The following LPAR1 variants were observed in gnomAD, a reference collection of about 807,000 sequenced individuals.
LPAR1 encodes LPA receptor 1.
LPAR1 carries 5 observed loss-of-function variants against 23.8 expected under a neutral mutation model. That is an observed-to-expected ratio of 0.21 (90% CI 0.11 to 0.44). The LOEUF (loss-of-function observed/expected upper bound fraction) is 0.44. Among genes scored for constraint, LPAR1 ranks in the 20% least tolerant of loss-of-function variants. The probability of loss-of-function intolerance (pLI) is 0.99; values close to 1 mark genes in which losing one functional copy is unlikely to be tolerated. For synonymous variants in LPAR1, 160 were observed against 164.7 expected, an observed-to-expected ratio of 0.97 and a Z score of 0.22; for missense variants, 311 against 482.8, an observed-to-expected ratio of 0.64 and a Z score of 3.33.
chr9:110,987,357 CAT>C (rs1376140962), intron 2 of LPAR1, among the ~76,000 whole-genome samples: 3 of 150,016 alleles, frequency 2.0e-5, no homozygotes, highest in Non-Finnish European at 4.4e-5. Context: ...TTGTATAATA[CAT>C]ATGTTTATAT....
At chr9:110,884,184 T>C (rs1028217531) in intron 5 of LPAR1, among the ~76,000 whole-genome samples, 3 of 152,182 alleles carry the variant, frequency 2.0e-5, no homozygotes, top group Non-Finnish European at 4.4e-5. Flanking sequence ...CATATTAGTT[T>C]TTCCATTCCT....
Position 111,025,664 on chromosome 9 carries a change from GT to G in LPAR1, c.-182+10457del, listed in dbSNP as rs1220899265. On this transcript the variant is annotated intron_variant, in intron 2 of 5. Coordinates refer to ENST00000683809, the MANE Select transcript of LPAR1 (RefSeq NM_001351411.2). ...GGTATTGCTTGGGTTTTCTTTTAGG[GT>G]TTTTATGGTTTTAGTTCTTACATTT... Among the ~76,000 whole-genome samples the G allele has an allele frequency of 5.9e-5, 9 of 152,242 alleles. No homozygotes were observed. In the East Asian group the frequency reaches 1.7e-3, roughly 29 times the overall value.
intron 2 of LPAR1, among the ~76,000 whole-genome samples, chr9:110,990,483 T>C (rs1274618524): frequency 6.6e-6 from 1 of 152,134 alleles, no homozygotes; most frequent in Admixed American, 6.5e-5. Context: ...TATCTGTATA[T>C]ACCTTATAAA....
chr9:110,969,815 T>C (rs571872071), intron 4 of LPAR1, among the ~76,000 whole-genome samples: 1 of 152,320 alleles, frequency 6.6e-6, no homozygotes, highest in Admixed American at 6.5e-5. Context: ...TCACAAAATT[T>C]TGTACTTCTT....
intron 4 of LPAR1, among the ~76,000 whole-genome samples, chr9:110,964,365 T>C (rs904375109): frequency 2.0e-5 from 3 of 152,176 alleles, no homozygotes; most frequent in African/African-American, 4.8e-5. Flanking sequence ...TGAATGTGAA[T>C]TGAGTATCAA....
intron 2 of LPAR1, among the ~76,000 whole-genome samples, chr9:110,997,535 C>T (rs2097038391): frequency 6.6e-6 from 1 of 152,162 alleles, no homozygotes; most frequent in Non-Finnish European, 1.5e-5. Context: ...TCAATGAAAG[C>T]TGAAGATAAA....
At chr9:110,959,657 G>A (rs745362415) in intron 4 of LPAR1, among the ~76,000 whole-genome samples, 1 of 151,706 alleles carries the variant, frequency 6.6e-6, no homozygotes, top group Non-Finnish European at 1.5e-5. Flanking sequence ...AAGTAGAAGA[G>A]GAAAAAGATA....
At chr9:110,889,487 T>C (rs2083434245) in intron 5 of LPAR1, among the ~76,000 whole-genome samples, 1 of 152,216 alleles carries the variant, frequency 6.6e-6, no homozygotes, top group African/African-American at 2.4e-5. Context: ...CACTCACTTA[T>C]GCTTATATAT....
At chr9:111,034,620 G>C (rs2097858270) in intron 2 of LPAR1, among the ~76,000 whole-genome samples, 1 of 152,094 alleles carries the variant, frequency 6.6e-6, no homozygotes, top group Non-Finnish European at 1.5e-5. Flanking sequence ...TATAATTTGA[G>C]TAAACAGGCA....
chr9:110,935,307 C>A (rs116675208), intron 5 of LPAR1, among the ~76,000 whole-genome samples: 19 of 152,030 alleles, frequency 1.2e-4, no homozygotes, highest in African/African-American at 4.3e-4. Flanking sequence ...TCTCAATTAA[C>A]CTGGGGGTCT....
Position 110,893,721 on chromosome 9 carries a change from C to A in LPAR1, c.794-17999G>T, listed in dbSNP as rs892708251. ...GATGGAAAAAAAGTCCTGGAACCCA[C>A]TGGGACACAAACGTGGTCTCAATTC... On this transcript the variant is annotated intron_variant, in intron 5 of 5. Transcript: ENST00000683809. Among the ~76,000 whole-genome samples the A allele has an allele frequency of 3.3e-5, 5 of 152,170 alleles. 1 individual carries two copies. Among genetic ancestry groups the A allele is most frequent in the Admixed American group, 6.5e-5 (1 of 15,280 alleles).
intron 2 of LPAR1, among the ~76,000 whole-genome samples, chr9:111,013,292 T>C (rs2097369751): frequency 6.6e-6 from 1 of 151,990 alleles, no homozygotes; most frequent in Admixed American, 6.6e-5. Flanking sequence ...AATCTGAAAA[T>C]GTCCAGGACC....
chr9:110,911,940 G>A (rs1210471397), intron 5 of LPAR1, among the ~76,000 whole-genome samples: 1 of 152,206 alleles, frequency 6.6e-6, no homozygotes, highest in African/African-American at 2.4e-5. Context: ...AGGGCTGGGT[G>A]ATTGTTTTAA....
chr9:110,949,412 G>C (rs1326159416), intron 4 of LPAR1, among the ~76,000 whole-genome samples: 1 of 152,204 alleles, frequency 6.6e-6, no homozygotes, highest in African/African-American at 2.4e-5. Flanking sequence ...TGGTTCAAGA[G>C]TTATACATTG....
chr9:110,880,763 T>G (rs1325864153), intron 5 of LPAR1, among the ~76,000 whole-genome samples: 1 of 152,204 alleles, frequency 6.6e-6, no homozygotes, highest in Non-Finnish European at 1.5e-5. Context: ...AATAAATGAG[T>G]GCCTAAGTTG....
intron 4 of LPAR1, among the ~76,000 whole-genome samples, chr9:110,969,395 G>A (rs1044622952): frequency 2.6e-5 from 4 of 152,066 alleles, no homozygotes; most frequent in Admixed American, 2.6e-4. Flanking sequence ...ATATATAGCT[G>A]TGTAGACATC....
At chr9:111,014,579 C>G (rs2097401452) in intron 2 of LPAR1, among the ~76,000 whole-genome samples, 1 of 152,150 alleles carries the variant, frequency 6.6e-6, no homozygotes, top group Non-Finnish European at 1.5e-5. Flanking sequence ...GGTGTCTGCC[C>G]TGGCCTCTCT....
intron 5 of LPAR1, among the ~76,000 whole-genome samples, chr9:110,936,018 A>G (rs1014585024): frequency 2.0e-5 from 3 of 152,056 alleles, no homozygotes; most frequent in Non-Finnish European, 2.9e-5. Context: ...CCTCCACCCA[A>G]TGCTACAGTG....
At chr9:110,993,496 G>A (rs2096936856) in intron 2 of LPAR1, among the ~76,000 whole-genome samples, 1 of 152,158 alleles carries the variant, frequency 6.6e-6, no homozygotes, top group Admixed American at 6.5e-5. Flanking sequence ...GTCTAAGTGA[G>A]GTGAAGAGGA....
Sources: gnomAD v4.1 joint callset for allele counts (sites outside exome capture counted in the v4.1 genomes callset) on GRCh38, gnomAD v4.1.1 for gene constraint, MANE v1.5 for transcripts, NCBI Gene and HGNC (gene_info 2026-07-23, HGNC 2026-07-21) for gene names.